Variants in SLC9A9 observed in about 807,000 individuals in gnomAD.
SLC9A9 encodes sodium/hydrogen exchanger 9.
In SLC9A9, 62 loss-of-function variants were observed where a neutral mutation model predicts 77.8. That is an observed-to-expected ratio of 0.80 (90% CI 0.65 to 0.98). The LOEUF (loss-of-function observed/expected upper bound fraction) is 0.98. Among genes scored for constraint, SLC9A9 ranks in the 50% least tolerant of loss-of-function variants. The pLI is 0.00. For missense variants in SLC9A9, 775 were observed against 774.9 expected (o/e 1.00, Z 0.00); for synonymous variants, 320 against 283.5 (o/e 1.13, Z -1.29).
At chr3:143,412,433 C>T (rs2034112732) in intron 12 of SLC9A9, among the ~76,000 whole-genome samples, 2 of 152,146 alleles carry the variant, frequency 1.3e-5, no homozygotes, top group Non-Finnish European at 2.9e-5. Flanking sequence ...AGCATCTGAC[C>T]ACTAATGCTT....
At chr3:143,544,741 C>A (rs1414082516) in intron 9 of SLC9A9, among the ~76,000 whole-genome samples, 1 of 152,112 alleles carries the variant, frequency 6.6e-6, no homozygotes, top group Non-Finnish European at 1.5e-5. Context: ...AATCCTTTCC[C>A]AAAACTGATG....
At chr3:143,607,744 C>T (rs1248097519) in intron 6 of SLC9A9, among the ~76,000 whole-genome samples, 2 of 151,406 alleles carry the variant, frequency 1.3e-5, no homozygotes, top group Non-Finnish European at 2.9e-5. Flanking sequence ...AAAACAAGAA[C>T]CCTAGAAAAA....
intron 6 of SLC9A9, among the ~76,000 whole-genome samples, chr3:143,615,601 T>C (rs1171554078): frequency 6.6e-6 from 1 of 151,910 alleles, no homozygotes; most frequent in Non-Finnish European, 1.5e-5. Context: ...CCTGGTTAAC[T>C]AGAACCACTC....
intron 14 of SLC9A9, among the ~76,000 whole-genome samples, chr3:143,319,957 G>T (rs2031358178): frequency 6.6e-6 from 1 of 152,150 alleles, no homozygotes; most frequent in Non-Finnish European, 1.5e-5. Flanking sequence ...TGTTATATGG[G>T]CTGGTGCTGT....
At chr3:143,572,196 C>T (rs1383792713) in intron 8 of SLC9A9, among the ~76,000 whole-genome samples, 2 of 151,970 alleles carry the variant, frequency 1.3e-5, no homozygotes, top group Admixed American at 6.6e-5. Context: ...GTTCAGTTTC[C>T]CATGGATCTT....
intron 6 of SLC9A9, among the ~76,000 whole-genome samples, chr3:143,621,874 T>C (rs1243326607): frequency 6.6e-6 from 1 of 151,718 alleles, no homozygotes. Context: ...TGAAAAAAAA[T>C]TAGACAAATG....
chr3:143,545,083 G>T (rs951515117), intron 9 of SLC9A9, among the ~76,000 whole-genome samples: 6 of 152,024 alleles, frequency 3.9e-5, no homozygotes, highest in African/African-American at 4.8e-5. Flanking sequence ...CTTATAGTAT[G>T]GTTTCAATTT....
chr3:143,631,333 G>C (rs377705668), intron 6 of SLC9A9, among the ~76,000 whole-genome samples: 1 of 152,106 alleles, frequency 6.6e-6, no homozygotes, highest in Non-Finnish European at 1.5e-5. Context: ...ATGATGAAGG[G>C]AATCAGAACT....
At chr3:143,355,759 T>A (rs868295552) in intron 14 of SLC9A9, among the ~76,000 whole-genome samples, 1 of 152,236 alleles carries the variant, frequency 6.6e-6, no homozygotes, top group African/African-American at 2.4e-5. Flanking sequence ...GTAGACTTGA[T>A]AAACGTGATA....
At chr3:143,575,388 GAAT>G (rs1365376299) in intron 7 of SLC9A9, among the ~76,000 whole-genome samples, 1 of 152,142 alleles carries the variant, frequency 6.6e-6, no homozygotes, top group Non-Finnish European at 1.5e-5. Context: ...CTGAAAATGA[GAAT>G]AATAATACCA....
chr3:143,518,272 T>G, intron 9 of SLC9A9: 131 of 1,438,954 alleles, frequency 9.1e-5, no homozygotes, highest in Non-Finnish European at 1.2e-4. Flanking sequence ...GCAGCCCGGT[T>G]CCAGGCCCAG....
intron 14 of SLC9A9, among the ~76,000 whole-genome samples, chr3:143,341,304 C>A (rs539501530): frequency 3.3e-5 from 5 of 151,946 alleles, no homozygotes; most frequent in Non-Finnish European, 5.9e-5. Context: ...GAGATGGGGT[C>A]GGTTTGGGAG....
intron 12 of SLC9A9, among the ~76,000 whole-genome samples, chr3:143,390,134 G>A (rs960514416): frequency 5.3e-5 from 8 of 152,192 alleles, no homozygotes; most frequent in Non-Finnish European, 8.8e-5. Flanking sequence ...TCCTGTCCTG[G>A]TATTCCAAGG....
intron 12 of SLC9A9, among the ~76,000 whole-genome samples, chr3:143,436,017 T>C (rs2034615567): frequency 6.6e-6 from 1 of 152,196 alleles, no homozygotes; most frequent in African/African-American, 2.4e-5. Context: ...ATCTAACCAG[T>C]CCCATGGGCC....
At chr3:143,397,788 A>C (rs569315693) in intron 12 of SLC9A9, among the ~76,000 whole-genome samples, 16 of 152,148 alleles carry the variant, frequency 1.1e-4, no homozygotes, top group Non-Finnish European at 1.9e-4. Context: ...AAGGAGCCTT[A>C]ATGGGAATGC....
chr3:143,628,608 C>T (rs1278413376), intron 6 of SLC9A9, among the ~76,000 whole-genome samples: 5 of 152,116 alleles, frequency 3.3e-5, no homozygotes, highest in South Asian at 2.1e-4. Context: ...GTATTATAAA[C>T]ACTCACTCTA....
At chr3:143,682,124 C>T (rs1933120111) in intron 5 of SLC9A9, among the ~76,000 whole-genome samples, 1 of 152,154 alleles carries the variant, frequency 6.6e-6, no homozygotes, top group Admixed American at 6.6e-5. Flanking sequence ...CTCAAGGCTT[C>T]ACCAGGACTC....
At chr3:143,413,360 C>T (rs1022298741) in intron 12 of SLC9A9, among the ~76,000 whole-genome samples, 7 of 152,168 alleles carry the variant, frequency 4.6e-5, no homozygotes, top group African/African-American at 1.7e-4. Flanking sequence ...CTGAGAGGTA[C>T]AGTCCTGGGG....
At chr3:143,269,214 T>A (rs1937827764) in intron 14 of SLC9A9, among the ~76,000 whole-genome samples, 1 of 152,230 alleles carries the variant, frequency 6.6e-6, no homozygotes. Flanking sequence ...CCATGCTGCA[T>A]CAGAAGTGTA....
Sources: gnomAD v4.1 joint callset for allele counts (sites outside exome capture counted in the v4.1 genomes callset) on GRCh38, gnomAD v4.1.1 for gene constraint, MANE v1.5 for transcripts, NCBI Gene and HGNC (gene_info 2026-07-23, HGNC 2026-07-21) for gene names.